XIRP2: variants seen among roughly 807,000 people sequenced by gnomAD.
XIRP2 encodes the protein xin actin-binding repeat-containing protein 2.
Under a neutral mutation model 277.0 loss-of-function variants are expected in XIRP2, and 236 were observed. That is an observed-to-expected ratio of 0.85 (90% CI 0.77 to 0.95). The LOEUF (loss-of-function observed/expected upper bound fraction) is 0.95. Among genes scored for constraint, XIRP2 ranks in the 40% least tolerant of loss-of-function variants. The pLI is 0.00. For synonymous variants in XIRP2, 1,490 were observed against 1,416.5 expected (o/e 1.05, Z -1.17); for missense variants, 4,640 against 4,157.5 (o/e 1.12, Z -3.19).
At chr2:167,043,347 T>G (rs1414594677) in intron 2 of XIRP2, among the ~76,000 whole-genome samples, 1 of 151,502 alleles carries the variant, frequency 6.6e-6, no homozygotes, top group Admixed American at 6.6e-5. Context: ...CTGAAGTGAA[T>G]AAAATTGAGA....
intron 2 of XIRP2, among the ~76,000 whole-genome samples, chr2:167,044,897 C>T (rs943458357): frequency 4.6e-5 from 7 of 151,646 alleles, no homozygotes; most frequent in African/African-American, 1.7e-4. Flanking sequence ...ATTAGAAAAG[C>T]CTCTTACAAA....
chr2:167,186,986 A>G (rs186233368), intron 3 of XIRP2, among the ~76,000 whole-genome samples: 2 of 152,280 alleles, frequency 1.3e-5, no homozygotes, highest in East Asian at 3.9e-4. Context: ...TTGCACCAGA[A>G]TAAATGGAAA....
At chr2:167,242,334 G>C (rs566525989) in intron 8 of XIRP2, among the ~76,000 whole-genome samples, 11 of 152,246 alleles carry the variant, frequency 7.2e-5, no homozygotes, top group African/African-American at 2.4e-4. Flanking sequence ...AAAATATTGA[G>C]TCCTTGTTGC....
At chr2:167,146,936 A>G (rs1691879543) in intron 3 of XIRP2, among the ~76,000 whole-genome samples, 1 of 152,204 alleles carries the variant, frequency 6.6e-6, no homozygotes, top group Non-Finnish European at 1.5e-5. Flanking sequence ...AATAGTAAAA[A>G]TAAAATCTGG....
At chr2:167,118,989 A>G (rs551405771) in intron 2 of XIRP2, among the ~76,000 whole-genome samples, 15 of 152,304 alleles carry the variant, frequency 9.8e-5, no homozygotes, top group Non-Finnish European at 2.1e-4. Flanking sequence ...AGAAGAGCCT[A>G]GAGTGTTAAA....
chr2:167,116,684 TTCTG>T (rs1346855251), intron 2 of XIRP2, among the ~76,000 whole-genome samples: 2 of 152,346 alleles, frequency 1.3e-5, no homozygotes, highest in South Asian at 4.1e-4. Context: ...TTTATGTTTG[TTCTG>T]TCTTTCATCT....
At chr2:167,240,847 T>TCAG in intron 7 of XIRP2, 111 bp downstream of exon 7, 1 of 910,134 alleles carries the variant, frequency 1.1e-6, no homozygotes, top group African/African-American at 1.7e-5. Flanking sequence ...CTTTAGTAAC[T>TCAG]ATGACTCATG....
intron 2 of XIRP2, among the ~76,000 whole-genome samples, chr2:166,933,937 T>C (rs1685419112): frequency 6.6e-6 from 1 of 152,074 alleles, no homozygotes; most frequent in Non-Finnish European, 1.5e-5. Flanking sequence ...TAAGCCCATT[T>C]GTTAAAAATG....
At chr2:167,043,991 A>T (rs1688729473) in intron 2 of XIRP2, among the ~76,000 whole-genome samples, 1 of 152,102 alleles carries the variant, frequency 6.6e-6, no homozygotes, top group South Asian at 2.1e-4. Flanking sequence ...ATGTCAGGCC[A>T]GTATTCCTGA....
At position 167,254,150 on chromosome 2, in the gene XIRP2, G is replaced by C; in HGVS notation, c.*24G>C. ...AAGTCCTGCTTCCGATGCCACCATT[G>C]CAACAGTAAACTAAGGTAAAATGTT... On this transcript the variant is annotated 3_prime_UTR_variant, in exon 10 of 11. Transcript: ENST00000409195. 2 of 1,609,334 alleles carry C rather than the reference G, an allele frequency of 1.2e-6. No individual in the cohort carries two copies. Among genetic ancestry groups the C allele is most frequent in the Non-Finnish European group, 1.7e-6 (2 of 1,177,564 alleles).
chr2:167,120,681 C>T (rs1441904782), intron 2 of XIRP2, among the ~76,000 whole-genome samples: 1 of 152,116 alleles, frequency 6.6e-6, no homozygotes, highest in East Asian at 1.9e-4. Context: ...AAAGCGTGGA[C>T]AGCCAGAAGC....
intron 2 of XIRP2, among the ~76,000 whole-genome samples, chr2:167,007,624 C>T (rs1293151978): frequency 6.6e-6 from 1 of 150,764 alleles, no homozygotes; most frequent in African/African-American, 2.4e-5. Flanking sequence ...TGGTACATGT[C>T]TTAAACAAAA....
chr2:167,243,588 T>A lies in XIRP2; in HGVS notation c.2196T>A (p.Ser732Arg). 1 of 1,614,028 alleles carries A rather than the reference T, an allele frequency of 6.2e-7. No individual in the cohort carries two copies. The highest frequency in any genetic ancestry group is 2.2e-5 in the East Asian group (1 of 44,864). The part of the protein sequence containing the change: ...LKEIKGNVKR[S>R]IKCFETQPLY... ...AAATTAAGGGAAATGTTAAAAGAAG[T>A]ATAAAATGTTTCGAAACTCAACCAT... The change falls in exon 9 of 11, where the codon AGT (serine) becomes AGA (arginine). Residue 732 changes from serine (S) to arginine (R), a missense_variant. Ser to Arg is a moderately radical substitution (Grantham distance 110). Transcript: ENST00000409195.
chr2:167,099,787 G>A (rs559323538), intron 2 of XIRP2, among the ~76,000 whole-genome samples: 7 of 152,120 alleles, frequency 4.6e-5, no homozygotes, highest in South Asian at 2.1e-4. Flanking sequence ...TGTGCTTCCC[G>A]GGTGAGATAA....
At position 166,934,352 on chromosome 2, in the gene XIRP2, T is replaced by G. The variant is rs149735746; in HGVS notation, c.408+30462T>G. 1.5e-3 allele frequency among the ~76,000 whole-genome samples: 229 copies of G among 152,152 alleles called. 8 individuals are homozygous for G. In the East Asian group the frequency reaches 0.04, roughly 27 times the overall value. ...CTGAGGATGACCTCCAACAATAAAC[T>G]GAAACCTTCAGTCCTTCAGCTGCAA... On this transcript the variant is annotated intron_variant, in intron 2 of 10. Transcript: ENST00000409195.
At chr2:167,006,794 T>G (rs566260416) in intron 2 of XIRP2, among the ~76,000 whole-genome samples, 4 of 151,828 alleles carry the variant, frequency 2.6e-5, no homozygotes, top group Admixed American at 1.3e-4. Context: ...ATTATAATAT[T>G]TTTTCTTCTT....
At chr2:166,970,686 A>G (rs1425544481) in intron 2 of XIRP2, among the ~76,000 whole-genome samples, 3 of 151,982 alleles carry the variant, frequency 2.0e-5, no homozygotes, top group Non-Finnish European at 2.9e-5. Context: ...AAGGTAAATC[A>G]TGATCTTAGG....
intron 2 of XIRP2, among the ~76,000 whole-genome samples, chr2:167,016,282 A>C (rs769262297): frequency 6.6e-6 from 1 of 151,834 alleles, no homozygotes; most frequent in Non-Finnish European, 1.5e-5. Context: ...CTTCATCCTA[A>C]AAGTCAGTTT....
intron 3 of XIRP2, among the ~76,000 whole-genome samples, chr2:167,206,342 T>G (rs1174047363): frequency 6.6e-6 from 1 of 152,230 alleles, no homozygotes; most frequent in Non-Finnish European, 1.5e-5. Flanking sequence ...TGGATTTTCC[T>G]CTGTTTTCCA....
Sources: gnomAD v4.1 joint callset for allele counts (sites outside exome capture counted in the v4.1 genomes callset) on GRCh38, gnomAD v4.1.1 for gene constraint, MANE v1.5 for transcripts, NCBI Gene and HGNC (gene_info 2026-07-23, HGNC 2026-07-21) for gene names.